Variants in CNKSR2 observed in about 807,000 individuals in gnomAD.
CNKSR2 encodes CNK homolog protein 2.
CNKSR2 carries 14 observed loss-of-function variants against 84.4 expected under a neutral mutation model. The ratio of observed to expected loss-of-function variants is 0.17; its 90% confidence interval spans 0.11 to 0.26. CNKSR2 has a LOEUF of 0.26. CNKSR2 is among the 10% of genes least tolerant of loss of function. The pLI, the probability that CNKSR2 is intolerant of heterozygous loss-of-function variation, is 1.00. For missense variants in CNKSR2, 485 were observed against 771.2 expected (o/e 0.63, Z 4.40); for synonymous variants, 275 against 277.9 (o/e 0.99, Z 0.10).
At position 21,531,900 on chromosome X, in the gene CNKSR2, T is replaced by C. The variant is rs1374443327; in HGVS notation, c.1136T>C (p.Met379Thr). ...CCTTGTGAAGACCTCAGAGGACATATGGTGGGCAAGCCAGTGCATAAGGGA... is the reference window on the plus strand; with the variant it reads ...CCTTGTGAAGACCTCAGAGGACATACGGTGGGCAAGCCAGTGCATAAGGGA... ...NLPCEDLRGHMVGKPVHKGSE... is the reference protein window; with the variant it reads ...NLPCEDLRGHTVGKPVHKGSE... Residue 379 changes from methionine to threonine, a missense_variant, in exon 11 of 22, where the codon ATG becomes ACG. Physicochemically the swap from Met to Thr is moderately conservative, Grantham distance 81. Around this residue, in one of 5 missense-constraint regions of CNKSR2, gnomAD observed 132 missense variants for 166.7 expected, o/e 0.79. Coordinates refer to ENST00000379510, the MANE Select transcript of CNKSR2 (RefSeq NM_014927.5). 8.3e-7 allele frequency: 1 copy of C among 1,207,584 alleles called. No individual in the cohort carries two copies. The highest frequency in any genetic ancestry group is 1.8e-5 in the South Asian group (1 of 56,798).
At chrX:21,555,378 G>T (rs979226610) in intron 11 of CNKSR2, among the ~76,000 whole-genome samples, 24 of 111,441 alleles carry the variant, frequency 2.2e-4, no homozygotes, top group African/African-American at 7.5e-4. Flanking sequence ...CTTTTATCCA[G>T]AAATGAAATT....
At chrX:21,541,471 A>G (rs924285603) in intron 11 of CNKSR2, among the ~76,000 whole-genome samples, 2 of 111,977 alleles carry the variant, frequency 1.8e-5, no homozygotes, top group Admixed American at 9.5e-5. Context: ...ATAAGCCCTC[A>G]TTTAACATCA....
chrX:21,639,390 G>C (rs758457351), intron 20 of CNKSR2, among the ~76,000 whole-genome samples: 1 of 111,979 alleles, frequency 8.9e-6, no homozygotes, highest in African/African-American at 3.2e-5. Flanking sequence ...CTTAAGATTC[G>C]TAATGCACAT....
At chrX:21,486,219 A>G (rs1238838268) in intron 5 of CNKSR2, among the ~76,000 whole-genome samples, 1 of 112,419 alleles carries the variant, frequency 8.9e-6, no homozygotes, top group African/African-American at 3.2e-5. Context: ...TAGCTAGTAT[A>G]GAGTTGTCCT....
rs1162235991 is a variant in CNKSR2 at position 21,504,217 on chromosome X, C to T, written c.810+2629C>T. The stretch of plus-strand genomic sequence containing the variant: ...ACAGAGGTGGTGAAATGGAAATTCT[C>T]TTAATTGAAGCAAGTATAAATTATT... On this transcript the variant is annotated intron_variant, in intron 8 of 21. Transcript: ENST00000379510. 3.6e-5 allele frequency: 4 copies of T among 111,122 alleles called. No individual in the cohort carries two copies. In the Admixed American group the frequency reaches 3.8e-4, roughly 11 times the overall value. The allele number at this position is 111,122 out of a possible 1,213,427, so 9.2% of individuals were successfully genotyped here. A position where few individuals can be genotyped will look rare whatever the true frequency, so the allele number is the denominator to read the frequency against.
At chrX:21,603,724 T>C (rs1161497664) in intron 18 of CNKSR2, among the ~76,000 whole-genome samples, 5 of 112,659 alleles carry the variant, frequency 4.4e-5, no homozygotes, top group African/African-American at 1.3e-4. Context: ...TTGTATTTTT[T>C]CCAGCTTCAA....
chrX:21,429,197 G>GAATC (rs1355901019), intron 2 of CNKSR2: 1 of 112,259 alleles, frequency 8.9e-6, no homozygotes. Context: ...TGGCTGTGTT[G>GAATC]AATCAGTTCT....
chrX:21,575,914 A>G (rs746527547), intron 13 of CNKSR2, among the ~76,000 whole-genome samples: 31 of 112,334 alleles, frequency 2.8e-4, no homozygotes, highest in Non-Finnish European at 5.3e-4. Flanking sequence ...ACATGTATGC[A>G]CCAAATAACA....
chrX:21,395,303 C>T (rs760324502), intron 1 of CNKSR2, among the ~76,000 whole-genome samples: 6 of 110,787 alleles, frequency 5.4e-5, no homozygotes, highest in Non-Finnish European at 1.1e-4. Context: ...TCTTTTAATC[C>T]GTATAATAGT....
At chrX:21,599,490 C>G (rs1388145512) in intron 17 of CNKSR2, among the ~76,000 whole-genome samples, 1 of 109,159 alleles carries the variant, frequency 9.2e-6, no homozygotes, top group Non-Finnish European at 1.9e-5. Flanking sequence ...CTCAGCCTCC[C>G]GAGTAGCTGG....
intron 1 of CNKSR2, among the ~76,000 whole-genome samples, chrX:21,396,139 G>A (rs759422931): frequency 2.7e-5 from 3 of 111,420 alleles, no homozygotes; most frequent in East Asian, 5.6e-4. Flanking sequence ...CTCTTGGAGA[G>A]TCTTAACTAT....
chrX:21,391,425 G>A (rs1043531410), intron 1 of CNKSR2, among the ~76,000 whole-genome samples: 2 of 112,245 alleles, frequency 1.8e-5, no homozygotes, highest in Admixed American at 9.4e-5. Flanking sequence ...CTATGCACCC[G>A]CAGGCTTAAC....
At chrX:21,585,950 G>C (rs764203073) in intron 13 of CNKSR2, among the ~76,000 whole-genome samples, 3 of 111,583 alleles carry the variant, frequency 2.7e-5, no homozygotes, top group Admixed American at 1.9e-4. Context: ...TTACAAGCTT[G>C]TGCTTTAAAT....
intron 20 of CNKSR2, chrX:21,643,885 G>T (rs2092699113): frequency 9.0e-6 from 1 of 111,030 alleles, no homozygotes; most frequent in African/African-American, 3.3e-5. Context: ...CATGAATTAA[G>T]AGAGCTAGTA....
At chrX:21,594,843 C>A in intron 15 of CNKSR2, 131 bp from the exon 16 acceptor site, 1 of 435,565 alleles carries the variant, frequency 2.3e-6, no homozygotes, top group Non-Finnish European at 4.0e-6. Context: ...GAATTCTTAT[C>A]TCTAAAATGT....
intron 20 of CNKSR2, among the ~76,000 whole-genome samples, chrX:21,623,453 A>T (rs2092610487): frequency 9.0e-6 from 1 of 111,688 alleles, no homozygotes; most frequent in Admixed American, 9.5e-5. Context: ...TGTTTGTTGA[A>T]GGTAATCTCT....
chrX:21,382,032 A>G (rs1245881550), intron 1 of CNKSR2, among the ~76,000 whole-genome samples: 1 of 111,873 alleles, frequency 8.9e-6, no homozygotes, highest in East Asian at 2.8e-4. Flanking sequence ...GTAAAAAAGT[A>G]TCTGGTATGA....
chrX:21,535,453 G>A (rs1601914489), intron 11 of CNKSR2, among the ~76,000 whole-genome samples: 2 of 111,159 alleles, frequency 1.8e-5, no homozygotes, highest in African/African-American at 6.5e-5. Flanking sequence ...TGAATCTGTA[G>A]ATTGCTTTGG....
chrX:21,508,103 G>A (rs1190601591), intron 8 of CNKSR2, among the ~76,000 whole-genome samples: 1 of 112,145 alleles, frequency 8.9e-6, no homozygotes, highest in Non-Finnish European at 1.9e-5. Flanking sequence ...GGGTGGAGGG[G>A]GATTGCTTGA....
Sources: allele counts gnomAD v4.1 joint callset (sites outside exome capture counted in the v4.1 genomes callset), GRCh38; gene constraint gnomAD v4.1.1; regional missense constraint gnomAD v4.1.1; transcripts MANE v1.5; gene names NCBI Gene and HGNC (gene_info 2026-07-23, HGNC 2026-07-21).